ATRNL1: variants seen among roughly 807,000 people sequenced by gnomAD.
ATRNL1 encodes attractin like 1, also known as attractin-like protein 1.
A neutral mutation model predicts 182.7 loss-of-function variants in ATRNL1; 95 were observed. The ratio of observed to expected loss-of-function variants is 0.52; its 90% confidence interval spans 0.44 to 0.62. ATRNL1 has a LOEUF of 0.62. ATRNL1 is among the 20% of genes least tolerant of loss of function. ATRNL1 has a pLI of 0.00. For synonymous variants in ATRNL1, 576 were observed against 568.3 expected (o/e 1.01, Z -0.19); for missense variants, 1,471 against 1,679.5 (o/e 0.88, Z 2.17).
At chr10:115,912,973 G>T (rs1565481880) in intron 28 of ATRNL1, among the ~76,000 whole-genome samples, 2 of 152,124 alleles carry the variant, frequency 1.3e-5, no homozygotes, top group African/African-American at 2.4e-5. Context: ...TCCCCACAGT[G>T]TCCCTTACAC....
chr10:115,602,092 G>A (rs1407471299), intron 26 of ATRNL1, among the ~76,000 whole-genome samples: 5 of 152,000 alleles, frequency 3.3e-5, no homozygotes, highest in Admixed American at 6.6e-5. Context: ...AGTGGCTCAC[G>A]CCTGTAACCC....
chr10:115,144,211 G>C (rs1554878781), intron 5 of ATRNL1, among the ~76,000 whole-genome samples: 4 of 151,558 alleles, frequency 2.6e-5, no homozygotes, highest in Admixed American at 2.6e-4. Flanking sequence ...GCAGTGGCGC[G>C]ATCTCGGCTC....
intron 26 of ATRNL1, among the ~76,000 whole-genome samples, chr10:115,570,992 C>T (rs551443567): frequency 6.6e-6 from 1 of 152,308 alleles, no homozygotes; most frequent in African/African-American, 2.4e-5. Flanking sequence ...TAGCTTATCT[C>T]TCCCCAACAT....
At chr10:115,760,404 A>G (rs782463362) in intron 27 of ATRNL1, among the ~76,000 whole-genome samples, 1 of 152,086 alleles carries the variant, frequency 6.6e-6, no homozygotes, top group Non-Finnish European at 1.5e-5. Context: ...ATTGGTACTG[A>G]ATTTTAAATA....
intron 28 of ATRNL1, among the ~76,000 whole-genome samples, chr10:115,905,307 A>G (rs565096819): frequency 9.9e-4 from 150 of 152,092 alleles, no homozygotes; most frequent in African/African-American, 3.2e-3. Flanking sequence ...TGCAACCTCA[A>G]CCTGCCAGGC....
At chr10:115,112,087 A>T (rs562828983) in intron 1 of ATRNL1, among the ~76,000 whole-genome samples, 2 of 152,186 alleles carry the variant, frequency 1.3e-5, no homozygotes, top group Admixed American at 6.5e-5. Flanking sequence ...ACTTACGATA[A>T]GTTTAACCAA....
Position 115,545,102 on chromosome 10 carries a change from T to C in ATRNL1, c.3717-4356T>C, listed in dbSNP as rs549514193. Among the ~76,000 whole-genome samples, 5 of 152,050 alleles carry C rather than the reference T, an allele frequency of 3.3e-5. No homozygotes were observed. The South Asian group carries it at 1.0e-3, about 32-fold the overall frequency. On this transcript the variant is annotated intron_variant, in intron 25 of 28. Coordinates refer to ENST00000355044, the MANE Select transcript of ATRNL1 (RefSeq NM_207303.4). ...TTCAGTATTAGAAAAAATGATGTTATTCAAATCAATTTAAAAACCAATTTA... is the reference window on the plus strand; with the variant it reads ...TTCAGTATTAGAAAAAATGATGTTACTCAAATCAATTTAAAAACCAATTTA...
At position 115,651,817 on chromosome 10, in the gene ATRNL1, G is replaced by A. The variant is rs969657165; in HGVS notation, c.3796-75431G>A. 4.6e-5 allele frequency among the ~76,000 whole-genome samples: 7 copies of A among 152,102 alleles called. No individual in the cohort carries two copies. In the South Asian group the frequency reaches 6.2e-4, roughly 14 times the overall value. On this transcript the variant is annotated intron_variant, in intron 26 of 28. Coordinates refer to ENST00000355044, the MANE Select transcript of ATRNL1 (RefSeq NM_207303.4). ...TTTCGAAGTTGGCTTTTTCTTTACCGATGATTGGTTAGTGATGAATTCATC... is the reference window on the plus strand; with the variant it reads ...TTTCGAAGTTGGCTTTTTCTTTACCAATGATTGGTTAGTGATGAATTCATC...
rs149183915 is a variant in ATRNL1 at position 115,735,913 on chromosome 10, C to A, written c.3903+8558C>A. 7.5e-3 allele frequency among the ~76,000 whole-genome samples: 1,142 copies of A among 152,292 alleles called. 17 individuals are homozygous for A. Among genetic ancestry groups the A allele is most frequent in the African/African-American group, 0.026 (1,089 of 41,562 alleles). On this transcript the variant is annotated intron_variant, in intron 27 of 28. Coordinates refer to ENST00000355044, the MANE Select transcript of ATRNL1 (RefSeq NM_207303.4). ...TAAGGGAAGACTACTGTACTAAAAACTTTCCTTCAGTATCATTGTCACTCC... is the reference window on the plus strand; with the variant it reads ...TAAGGGAAGACTACTGTACTAAAAAATTTCCTTCAGTATCATTGTCACTCC...
intron 1 of ATRNL1, among the ~76,000 whole-genome samples, chr10:115,097,701 G>A (rs925832485): frequency 2.6e-5 from 4 of 152,086 alleles, no homozygotes; most frequent in Admixed American, 6.5e-5. Flanking sequence ...CGAGGCGGGC[G>A]GATCATGAGG....
At chr10:115,659,389 T>C (rs1445658835) in intron 26 of ATRNL1, among the ~76,000 whole-genome samples, 1 of 152,104 alleles carries the variant, frequency 6.6e-6, no homozygotes, top group Non-Finnish European at 1.5e-5. Context: ...TCCATGACAT[T>C]GTGCATATAG....
chr10:115,750,714 T>C (rs1471606782), intron 27 of ATRNL1, among the ~76,000 whole-genome samples: 2 of 152,092 alleles, frequency 1.3e-5, no homozygotes, highest in African/African-American at 4.8e-5. Context: ...TTGCAATTTT[T>C]GTCATAAACA....
At chr10:115,107,354 A>G (rs1192698127) in intron 1 of ATRNL1, among the ~76,000 whole-genome samples, 4 of 152,258 alleles carry the variant, frequency 2.6e-5, no homozygotes, top group Admixed American at 2.6e-4. Flanking sequence ...ACAGGCCCCA[A>G]ATAAGTCCAG....
At chr10:115,241,502 ATAT>A in intron 9 of ATRNL1, 66 bp from the exon 10 acceptor site, 1 of 1,105,876 alleles carries the variant, frequency 9.0e-7, no homozygotes. Context: ...TAGACCCTTT[ATAT>A]AACATATATA....
chr10:115,434,319 C>G (rs1382419096), intron 21 of ATRNL1, among the ~76,000 whole-genome samples: 1 of 152,146 alleles, frequency 6.6e-6, no homozygotes, highest in Non-Finnish European at 1.5e-5. Context: ...TGAGAACTTA[C>G]TATACTAGAC....
intron 24 of ATRNL1, among the ~76,000 whole-genome samples, chr10:115,492,019 C>T (rs1849322761): frequency 6.6e-6 from 1 of 152,170 alleles, no homozygotes; most frequent in South Asian, 2.1e-4. Flanking sequence ...TCTTGGCTTC[C>T]CAGGTAAGGC....
chr10:115,642,306 A>G (rs1555030700), intron 26 of ATRNL1, among the ~76,000 whole-genome samples: 1 of 152,226 alleles, frequency 6.6e-6, no homozygotes, highest in Non-Finnish European at 1.5e-5. Flanking sequence ...AAAACTACAC[A>G]ACACTGATGA....
chr10:115,364,492 C>A, intron 19 of ATRNL1, among the ~76,000 whole-genome samples: 3 of 146,462 alleles, frequency 2.0e-5, no homozygotes, highest in Non-Finnish European at 3.0e-5. Context: ...TCCTCTTTTC[C>A]TAATTGAATA....
chr10:115,621,254 AAT>A (rs781830067), intron 26 of ATRNL1, among the ~76,000 whole-genome samples: 16,918 of 71,340 alleles, frequency 0.24, 2,058 homozygotes, highest in Middle Eastern at 0.32. Flanking sequence ...TTGAGCTCTG[AAT>A]ATATATATAT....
Sources: allele counts gnomAD v4.1 joint callset (sites outside exome capture counted in the v4.1 genomes callset), GRCh38; gene constraint gnomAD v4.1.1; transcripts MANE v1.5; gene names NCBI Gene and HGNC (gene_info 2026-07-23, HGNC 2026-07-21).